The following ADGRB1 variants were observed in gnomAD, a reference collection of about 807,000 sequenced individuals.
The protein encoded by ADGRB1 is brain-specific angiogenesis inhibitor 1.
Under a neutral mutation model 175.7 loss-of-function variants are expected in ADGRB1, and 36 were observed. That is an observed-to-expected ratio of 0.20 (90% CI 0.16 to 0.27). The LOEUF (loss-of-function observed/expected upper bound fraction) is 0.27. Ranked by LOEUF, ADGRB1 falls within the 10% of genes least tolerant of loss-of-function variation. The probability of loss-of-function intolerance (pLI) is 1.00; values close to 1 mark genes in which losing one functional copy is unlikely to be tolerated. For missense variants in ADGRB1, 1,731 were observed against 2,255.3 expected, an observed-to-expected ratio of 0.77 and a Z score of 4.71; for synonymous variants, 1,054 against 979.4, an observed-to-expected ratio of 1.08 and a Z score of -1.42.
chr8:142,497,643 G>T (rs1842285256), intron 17 of ADGRB1, among the ~76,000 whole-genome samples: 1 of 152,206 alleles, frequency 6.6e-6, no homozygotes, highest in Non-Finnish European at 1.5e-5. Context: ...CAGGGGAGAG[G>T]TGGAGTGCTG....
intron 18 of ADGRB1, among the ~76,000 whole-genome samples, chr8:142,514,609 C>T (rs9694195): frequency 0.061 from 9,273 of 152,174 alleles, 414 homozygotes; most frequent in African/African-American, 0.13. Flanking sequence ...TGACCAGGGT[C>T]ACAGTTCATT....
intron 16 of ADGRB1, 141 bp downstream of exon 16, chr8:142,489,579 A>G (rs1427094200): frequency 4.2e-6 from 4 of 951,778 alleles, no homozygotes; most frequent in Non-Finnish European, 6.3e-6. Flanking sequence ...CCTGGATTAC[A>G]GGTGGGGAAA....
intron 19 of ADGRB1, among the ~76,000 whole-genome samples, chr8:142,520,402 T>G (rs111215918): frequency 0.15 from 594 of 3,898 alleles, 6 homozygotes; most frequent in Middle Eastern, 0.2. Context: ...GATTGTGATG[T>G]TGGTAATGGT....
At position 142,475,502 on chromosome 8, in the gene ADGRB1, C is replaced by T; in HGVS notation, c.813C>T (p.Gly271=). ...GCTGGAAGCTGTGGTCCCTGTGGGG[C>T]GAATGCACGCGGGACTGCGGGGGAG... The part of the protein sequence containing the change: ...TGGWKLWSLW[G]ECTRDCGGGL... Residue 271 remains glycine (G), a synonymous_variant, in exon 3 of 31, where the codon GGC becomes GGT. Coordinates refer to ENST00000517894, the MANE Select transcript of ADGRB1 (RefSeq NM_001702.3). 7.7e-7 allele frequency: 1 copy of T among 1,295,390 alleles called. No homozygotes were observed. Among genetic ancestry groups the T allele is most frequent in the African/African-American group, 1.5e-5 (1 of 66,432 alleles). 80.2% of individuals were successfully genotyped at this position (1,295,390 alleles called of 1,614,324 possible). A position where few individuals can be genotyped will look rare whatever the true frequency, so the allele number is the denominator to read the frequency against.
intron 2 of ADGRB1, among the ~76,000 whole-genome samples, chr8:142,472,791 G>A (rs578066144): frequency 6.6e-6 from 1 of 152,262 alleles, no homozygotes; most frequent in Admixed American, 6.5e-5. Flanking sequence ...CTGTGATAAG[G>A]ATCAAGGCTC....
chr8:142,523,550 TCCC>T (rs1222073956), intron 22 of ADGRB1, among the ~76,000 whole-genome samples: 2 of 151,432 alleles, frequency 1.3e-5, no homozygotes, highest in East Asian at 3.9e-4. Flanking sequence ...CCAAACACTG[TCCC>T]CAGAGATGAG....
intron 17 of ADGRB1, among the ~76,000 whole-genome samples, chr8:142,509,495 G>A (rs947060280): frequency 3.9e-5 from 6 of 152,140 alleles, no homozygotes; most frequent in South Asian, 2.1e-4. Context: ...TGGAGAGAGC[G>A]CCAGCCACAG....
chr8:142,460,171 C>CGG (rs1399553406), intron 1 of ADGRB1, among the ~76,000 whole-genome samples: 1 of 152,190 alleles, frequency 6.6e-6, no homozygotes, highest in East Asian at 1.9e-4. Flanking sequence ...GAGAAGGCTC[C>CGG]GGGGTGGCCC....
In ADGRB1 at chr8:142,537,789, A is replaced by G. The variant is rs1015454066; in HGVS notation, c.3666+707A>G. ...CGGCCCAAGTGGCGGTTCCTACGTA[A>G]GGGCCCCCAACAGCCCCCTGTGGAG... On this transcript the variant is annotated intron_variant, in intron 26 of 30. Coordinates refer to ENST00000517894, the MANE Select transcript of ADGRB1 (RefSeq NM_001702.3). This position sits in a 1 kb window ranked among gnomAD's most constrained non-coding sequence, Gnocchi z 4.6. Among the ~76,000 whole-genome samples the G allele has an allele frequency of 4.6e-5, 7 of 152,088 alleles. No individual in the cohort carries two copies. Among genetic ancestry groups the G allele is most frequent in the Admixed American group, 1.3e-4 (2 of 15,278 alleles).
chr8:142,491,471 C>T (rs530002291), intron 17 of ADGRB1, among the ~76,000 whole-genome samples: 32 of 152,304 alleles, frequency 2.1e-4, no homozygotes, highest in African/African-American at 6.0e-4. Context: ...GTGGGGGCAG[C>T]GAAGAGAAGC....
rs574881349 is a variant in ADGRB1, at chr8:142,527,004, G to C, written c.3398+377G>C. ...ACCACAAGGCTTGCTCCATGGCCAG[G>C]GGGAGGATGTCGCCTGTCCATGCAG... On this transcript the variant is annotated intron_variant, in intron 24 of 30. Coordinates refer to ENST00000517894, the MANE Select transcript of ADGRB1 (RefSeq NM_001702.3). 3.3e-5 allele frequency among the ~76,000 whole-genome samples: 5 copies of C among 152,322 alleles called. No individual in the cohort carries two copies. The East Asian group carries it at 5.8e-4, about 18-fold the overall frequency.
At chr8:142,475,843 T>A (rs992084525) in intron 3 of ADGRB1, among the ~76,000 whole-genome samples, 6 of 144,964 alleles carry the variant, frequency 4.1e-5, no homozygotes, top group African/African-American at 1.5e-4. Flanking sequence ...GGGCGGGGCC[T>A]GCAGGAAGAG....
chr8:142,537,040 G>A lies in ADGRB1; in HGVS notation c.3624G>A (p.Gly1208=). 1.3e-6 allele frequency: 2 copies of A among 1,586,050 alleles called. No individual in the cohort carries two copies. The highest frequency in any genetic ancestry group is 1.7e-6 in the Non-Finnish European group (2 of 1,166,650). ...TTGACCGGCAGGAGGAGGGCAACGG[G>A]GACTCAGGGGGCTCCTTCCAGAACG... is the stretch of plus-strand genomic sequence containing the variant. ...RVVDRQEEGN[G]DSGGSFQNGH... is the part of the protein sequence containing the mutation. Residue 1208 remains glycine (G), a synonymous_variant, in exon 26 of 31, where the codon GGG becomes GGA. Coordinates refer to ENST00000517894, the MANE Select transcript of ADGRB1 (RefSeq NM_001702.3). This position sits in a 1 kb window ranked among gnomAD's most constrained non-coding sequence, Gnocchi z 4.6.
intron 17 of ADGRB1, among the ~76,000 whole-genome samples, chr8:142,502,461 C>T (rs1563719229): frequency 0.03 from 5 of 168 alleles, no homozygotes; most frequent in Admixed American, 0.083. Flanking sequence ...TGGGGTGGTG[C>T]AGTCATCACT....
chr8:142,489,301 G>A, intron 15 of ADGRB1, 35 bp from the exon 16 acceptor site: 2 of 1,609,184 alleles, frequency 1.2e-6, no homozygotes, highest in Non-Finnish European at 1.7e-6. Flanking sequence ...GGGCTGGGAG[G>A]GCTCCCCCGA....
intron 19 of ADGRB1, among the ~76,000 whole-genome samples, chr8:142,520,399 A>G (rs1175827204): frequency 3.5e-3 from 10 of 2,820 alleles, no homozygotes; most frequent in Admixed American, 0.023. Flanking sequence ...AGTGATTGTG[A>G]TGTTGGTAAT....
chr8:142,464,988 T>C lies in ADGRB1; in HGVS notation c.784+6T>C. The C allele has an allele frequency of 6.8e-7, 1 of 1,472,532 alleles. No individual in the cohort carries two copies. The highest frequency in any genetic ancestry group is 1.3e-5 in the South Asian group (1 of 77,288). 91.2% of individuals were successfully genotyped at this position (1,472,532 alleles called of 1,614,324 possible). The stretch of plus-strand genomic sequence containing the variant: ...GGGCGGGCACGGCGCCACAGGTGAG[T>C]GACTGGCGGGGAAACCTTCGGACAG... On this transcript the variant is annotated splice_donor_region_variant and intron_variant, in intron 2 of 30. Transcript: ENST00000517894.
At position 142,468,059 on chromosome 8, in the gene ADGRB1, C is replaced by T. The variant is rs149244176; in HGVS notation, c.784+3077C>T. ...AAAGAGGTGGGAGGATGTGTGTTCA[C>T]GCATGCATTCATGCAAGTGTGTTGT... On this transcript the variant is annotated intron_variant, in intron 2 of 30. Transcript: ENST00000517894. 2.8e-4 allele frequency among the ~76,000 whole-genome samples: 43 copies of T among 152,312 alleles called. 2 individuals are homozygous for T. In the East Asian group the frequency reaches 3.1e-3, roughly 11 times the overall value.
Position 142,513,217 on chromosome 8 carries a change from G to T in ADGRB1, c.2817+2144G>T, listed in dbSNP as rs1843200766. Among the ~76,000 whole-genome samples, 3 of 152,200 alleles carry T rather than the reference G, an allele frequency of 2.0e-5. 1 individual carries two copies. The East Asian group carries it at 5.8e-4, about 29-fold the overall frequency. On this transcript the variant is annotated intron_variant, in intron 18 of 30. Transcript: ENST00000517894. ...CGAGGGCGGGCTGCCTGGACCCTGG[G>T]AGCCTCAGTGTCCTCATCTGTGAGA...
Sources: gnomAD v4.1 joint callset for allele counts (sites outside exome capture counted in the v4.1 genomes callset) on GRCh38, gnomAD v4.1.1 for gene constraint, Gnocchi (gnomAD v3.1) non-coding constraint, MANE v1.5 for transcripts, NCBI Gene and HGNC (gene_info 2026-07-23, HGNC 2026-07-21) for gene names.